The following SLC22A9 variants were observed in gnomAD, a reference collection of about 807,000 sequenced individuals.
The protein encoded by SLC22A9 is solute carrier family 22 member 9.
In SLC22A9, 64 loss-of-function variants were observed where a neutral mutation model predicts 50.1. That is an observed-to-expected ratio of 1.28 (90% CI 1.04 to 1.57). The LOEUF is 1.57. SLC22A9 is among the 40% of genes most tolerant of loss of function. The pLI, the probability that SLC22A9 is intolerant of heterozygous loss-of-function variation, is 0.00. For missense variants in SLC22A9, 757 were observed against 676.1 expected (o/e 1.12, Z -1.33); for synonymous variants, 261 against 242.5 (o/e 1.08, Z -0.71).
At position 63,382,483 on chromosome 11, in the gene SLC22A9, G is replaced by A. The variant is rs80098169; in HGVS notation, c.1073+206G>A. Among the ~76,000 whole-genome samples the A allele has an allele frequency of 6.2e-3, 937 of 152,236 alleles. 10 individuals carry two copies. Among genetic ancestry groups the A allele is most frequent in the African/African-American group, 0.021 (855 of 41,554 alleles). On this transcript the variant is annotated intron_variant, in intron 6 of 9. Coordinates refer to ENST00000279178, the MANE Select transcript of SLC22A9 (RefSeq NM_080866.3). ...ATTTATGCAATAGTTTTTGTTTATC[G>A]CAACACCCTATCAGGCTCTTCACTG...
At chr11:63,389,795 C>T (rs764057988) in intron 6 of SLC22A9, among the ~76,000 whole-genome samples, 1 of 152,212 alleles carries the variant, frequency 6.6e-6, no homozygotes, top group Non-Finnish European at 1.5e-5. Flanking sequence ...TACACTCCCA[C>T]TAACAGTATA....
At position 63,373,675 on chromosome 11, in the gene SLC22A9, T is replaced by C; in HGVS notation, c.538T>C (p.Tyr180His). 6.3e-7 allele frequency: 1 copy of C among 1,598,664 alleles called. No individual in the cohort carries two copies. The highest frequency in any genetic ancestry group is 1.1e-5 in the South Asian group (1 of 87,890). Reference sequence around the variant, plus strand: ...GAGAAGGTTCGTGCTCAGATGGTGTTACCTCCAGGTTGCCATTGTTGGCAC... The same window carrying C: ...GAGAAGGTTCGTGCTCAGATGGTGTCACCTCCAGGTTGCCATTGTTGGCAC... Reference protein sequence around the residue: ...FGRRFVLRWCYLQVAIVGTCA... With the variant: ...FGRRFVLRWCHLQVAIVGTCA... The change falls in exon 3 of 10, where the codon TAC (tyrosine) becomes CAC (histidine). Residue 180 changes from tyrosine (Y) to histidine (H), a missense_variant. Tyr to His is a moderately conservative substitution (Grantham distance 83, BLOSUM62 2). Coordinates refer to ENST00000279178, the MANE Select transcript of SLC22A9 (RefSeq NM_080866.3).
intron 6 of SLC22A9, among the ~76,000 whole-genome samples, chr11:63,386,463 T>G (rs1378176725): frequency 9.0e-6 from 1 of 110,752 alleles, no homozygotes; most frequent in African/African-American, 3.0e-5. Flanking sequence ...TTTTTTTTTT[T>G]TTTTTGGTAA....
At chr11:63,402,872 C>T (rs1046852101) in intron 6 of SLC22A9, among the ~76,000 whole-genome samples, 1 of 152,056 alleles carries the variant, frequency 6.6e-6, no homozygotes, top group African/African-American at 2.4e-5. Flanking sequence ...CCCATAAACA[C>T]TAACATTTTT....
In SLC22A9 at chr11:63,374,847, C is replaced by A. The variant is rs144619473; in HGVS notation, c.830+785C>A. ...CTTTCATAACTATCTAAAGAAAGAG[C>A]TGCATGGTTTCTTCAATTAAAATAT... On this transcript the variant is annotated intron_variant, in intron 4 of 9. Coordinates refer to ENST00000279178, the MANE Select transcript of SLC22A9 (RefSeq NM_080866.3). Among the ~76,000 whole-genome samples, 3 of 152,124 alleles carry A rather than the reference C, an allele frequency of 2.0e-5. No individual in the cohort carries two copies. The East Asian group carries it at 5.8e-4, about 29-fold the overall frequency.
intron 6 of SLC22A9, among the ~76,000 whole-genome samples, chr11:63,390,642 TTC>T (rs1167768654): frequency 6.6e-6 from 1 of 152,162 alleles, no homozygotes; most frequent in Non-Finnish European, 1.5e-5. Context: ...TCCAGCTTTG[TTC>T]TTTTTGCTTA....
intron 6 of SLC22A9, among the ~76,000 whole-genome samples, chr11:63,404,688 A>T (rs1255325730): frequency 6.6e-6 from 1 of 152,148 alleles, no homozygotes; most frequent in Non-Finnish European, 1.5e-5. Context: ...GGATGGCCTG[A>T]TGCCTAGTTG....
chr11:63,380,336 G>T (rs1373726058), intron 5 of SLC22A9, among the ~76,000 whole-genome samples: 1 of 152,078 alleles, frequency 6.6e-6, no homozygotes, highest in African/African-American at 2.4e-5. Flanking sequence ...CTACTACTGG[G>T]TGTATACCCC....
At chr11:63,388,006 C>T (rs998955794) in intron 6 of SLC22A9, among the ~76,000 whole-genome samples, 1 of 152,042 alleles carries the variant, frequency 6.6e-6, no homozygotes, top group Non-Finnish European at 1.5e-5. Context: ...TATCCTGCAG[C>T]TTCACTGAAT....
At chr11:63,394,181 T>G (rs988527071) in intron 6 of SLC22A9, among the ~76,000 whole-genome samples, 2 of 152,194 alleles carry the variant, frequency 1.3e-5, no homozygotes, top group African/African-American at 2.4e-5. Flanking sequence ...GTTATTCTAG[T>G]TAGCAATTCC....
chr11:63,374,750 T>C (rs571374467), intron 4 of SLC22A9, among the ~76,000 whole-genome samples: 1 of 152,266 alleles, frequency 6.6e-6, no homozygotes, highest in South Asian at 2.1e-4. Context: ...AAATACATGA[T>C]GGAGAAGTTT....
In SLC22A9 at chr11:63,371,173, G is replaced by A. The variant is rs2014352533; in HGVS notation, c.441G>A (p.Val147=). The A allele has an allele frequency of 1.2e-6, 2 of 1,613,382 alleles. No individual in the cohort carries two copies. The highest frequency in any genetic ancestry group is 1.7e-4 in the Middle Eastern group (1 of 6,056). The change falls in exon 2 of 10, where the codon GTG becomes GTA. Residue 147 remains valine, a synonymous_variant. Transcript: ENST00000279178. Reference sequence around the variant, plus strand: ...GTGACTCTCAATCACTGACTTCAGTGGCTAAATTTGTATTCATGGCTGGAA... The same window carrying A: ...GTGACTCTCAATCACTGACTTCAGTAGCTAAATTTGTATTCATGGCTGGAA... The part of the protein sequence containing the change: ...LVCDSQSLTS[V]AKFVFMAGMM...
chr11:63,380,176 G>C (rs1474741681), intron 5 of SLC22A9, among the ~76,000 whole-genome samples: 1 of 152,138 alleles, frequency 6.6e-6, no homozygotes, highest in Non-Finnish European at 1.5e-5. Context: ...TTATTTAAAA[G>C]TCAAAAAATA....
chr11:63,378,451 T>C (rs2014502853), intron 5 of SLC22A9, among the ~76,000 whole-genome samples: 1 of 152,090 alleles, frequency 6.6e-6, no homozygotes, highest in South Asian at 2.1e-4. Context: ...AGCAGTCCCC[T>C]TGAGAACCAG....
chr11:63,400,917 A>T (rs1423479572), intron 6 of SLC22A9, among the ~76,000 whole-genome samples: 2 of 152,170 alleles, frequency 1.3e-5, no homozygotes, highest in Non-Finnish European at 2.9e-5. Context: ...AATCATTTCA[A>T]CAGACGCCAA....
At chr11:63,373,570 G>T in intron 2 of SLC22A9, 74 bp from the exon 3 acceptor site, 1 of 1,398,378 alleles carries the variant, frequency 7.2e-7, no homozygotes, top group Non-Finnish European at 9.4e-7. Context: ...AAGTTTCAAA[G>T]TGTGCCTTCT....
chr11:63,390,242 T>C (rs575190090), intron 6 of SLC22A9, among the ~76,000 whole-genome samples: 28 of 152,220 alleles, frequency 1.8e-4, no homozygotes, highest in Non-Finnish European at 4.0e-4. Context: ...AGTCATGAAG[T>C]CCTTGCCCAT....
At chr11:63,372,906 A>T (rs1218529494) in intron 2 of SLC22A9, among the ~76,000 whole-genome samples, 1 of 152,094 alleles carries the variant, frequency 6.6e-6, no homozygotes, top group East Asian at 1.9e-4. Flanking sequence ...CAACTTGATC[A>T]TATCATCTGC....
At chr11:63,381,432 G>A (rs536587121) in intron 5 of SLC22A9, among the ~76,000 whole-genome samples, 1 of 152,136 alleles carries the variant, frequency 6.6e-6, no homozygotes, top group Admixed American at 6.5e-5. Flanking sequence ...TTTTTTAACA[G>A]GTACAAAACC....
Sources: allele counts gnomAD v4.1 joint callset (sites outside exome capture counted in the v4.1 genomes callset), GRCh38; gene constraint gnomAD v4.1.1; transcripts MANE v1.5; gene names NCBI Gene and HGNC (gene_info 2026-07-23, HGNC 2026-07-21).